The following MAP7D2 variants were observed in gnomAD, a reference collection of about 807,000 sequenced individuals.
MAP7D2 encodes the protein MAP7 domain containing 2.
In MAP7D2, 33 loss-of-function variants were observed where a neutral mutation model predicts 63.5. That is an observed-to-expected ratio of 0.52 (90% CI 0.39 to 0.70). The LOEUF (loss-of-function observed/expected upper bound fraction) is 0.70. Among genes scored for constraint, MAP7D2 ranks in the 30% least tolerant of loss-of-function variants. The probability of loss-of-function intolerance (pLI) is 0.00; values close to 1 mark genes in which losing one functional copy is unlikely to be tolerated. For synonymous variants in MAP7D2, 224 were observed against 223.7 expected, an observed-to-expected ratio of 1.00 and a Z score of -0.01; for missense variants, 626 against 604.0, an observed-to-expected ratio of 1.04 and a Z score of -0.38.
chrX:20,060,251 C>A (rs2065174416), intron 3 of MAP7D2, among the ~76,000 whole-genome samples: 1 of 109,939 alleles, frequency 9.1e-6, no homozygotes, highest in Non-Finnish European at 1.9e-5. Context: ...AACTCCTGAC[C>A]TCAGGTGATC....
intron 1 of MAP7D2, among the ~76,000 whole-genome samples, chrX:20,084,196 C>CAAAAAAAAAA: frequency 1.8e-5 from 1 of 56,343 alleles, no homozygotes; most frequent in Non-Finnish European, 3.8e-5. Context: ...GCAAGACTCA[C>CAAAAAAAAAA]AAAAAAAAAA....
intron 15 of MAP7D2, 83 bp from the exon 16 acceptor site, chrX:20,011,135 T>C (rs2073187315): frequency 9.9e-7 from 1 of 1,013,105 alleles, no homozygotes; most frequent in Non-Finnish European, 1.3e-6. Flanking sequence ...ATTTGCAATA[T>C]TTTGTTTTAC....
intron 8 of MAP7D2, among the ~76,000 whole-genome samples, chrX:20,035,272 C>T (rs1353098219): frequency 9.0e-6 from 1 of 111,175 alleles, no homozygotes; most frequent in Admixed American, 9.5e-5. Context: ...TGAGCAGAGT[C>T]CTGAGCAGAT....
chrX:20,073,684 C>G (rs1342480299), intron 1 of MAP7D2, among the ~76,000 whole-genome samples: 1 of 107,194 alleles, frequency 9.3e-6, no homozygotes, highest in African/African-American at 3.4e-5. Flanking sequence ...TGCCCGCCAC[C>G]ACGCCTGGCT....
intron 3 of MAP7D2, among the ~76,000 whole-genome samples, chrX:20,061,520 A>C (rs746083893): frequency 1.8e-4 from 20 of 112,410 alleles, no homozygotes; most frequent in African/African-American, 6.4e-4. Context: ...GTGCCCAGGG[A>C]GAAGAGGGAA....
chrX:20,037,252 C>G (rs760010206), intron 8 of MAP7D2, among the ~76,000 whole-genome samples: 1 of 111,460 alleles, frequency 9.0e-6, no homozygotes, highest in Non-Finnish European at 1.9e-5. Context: ...TCTGACCTAT[C>G]TAGCCATAAA....
chrX:20,094,578 G>GTA (rs1158827180), intron 1 of MAP7D2, among the ~76,000 whole-genome samples: 6 of 30,807 alleles, frequency 1.9e-4, no homozygotes, highest in South Asian at 2.6e-3. Context: ...ACATATATAT[G>GTA]TATATATATA....
intron 8 of MAP7D2, among the ~76,000 whole-genome samples, chrX:20,026,619 G>C (rs1299297593): frequency 8.9e-6 from 1 of 112,213 alleles, no homozygotes; most frequent in African/African-American, 3.2e-5. Flanking sequence ...GTTTTTTGGA[G>C]GGTCTCAGGT....
chrX:20,035,024 C>G (rs1603363178), intron 8 of MAP7D2, among the ~76,000 whole-genome samples: 1 of 111,631 alleles, frequency 9.0e-6, no homozygotes, highest in East Asian at 2.8e-4. Context: ...TACTCCCTTC[C>G]ACCCCTCTGT....
chrX:20,053,707 A>G (rs2148331557), intron 4 of MAP7D2, among the ~76,000 whole-genome samples: 1 of 112,029 alleles, frequency 8.9e-6, no homozygotes, highest in Admixed American at 9.5e-5. Flanking sequence ...CAAAAGAAAA[A>G]TGTGTGCTCT....
intron 8 of MAP7D2, among the ~76,000 whole-genome samples, chrX:20,033,316 T>C (rs1186317444): frequency 1.8e-5 from 2 of 112,347 alleles, no homozygotes; most frequent in African/African-American, 6.5e-5. Context: ...AATATATTTC[T>C]AAGAATATAA....
rs1032541262 is a variant in MAP7D2, at chrX:20,007,986, T to C, written c.*439A>G. 8.9e-6 allele frequency: 1 copy of C among 112,027 alleles called. No homozygotes were observed. Among genetic ancestry groups the C allele is most frequent in the Non-Finnish European group, 1.9e-5 (1 of 53,222 alleles). The allele number at this position is 112,027 out of a possible 1,213,427, so 9.2% of individuals were successfully genotyped here. On this transcript the variant is annotated 3_prime_UTR_variant, in exon 17 of 17. Transcript: ENST00000379643. The stretch of plus-strand genomic sequence containing the variant: ...AAGACAGGGAGATATACAGTGCAAG[T>C]TGAGTATATGTTGAACTAGAGTTTG...
intron 4 of MAP7D2, among the ~76,000 whole-genome samples, chrX:20,056,157 T>C (rs1251265810): frequency 1.8e-5 from 2 of 111,950 alleles, no homozygotes; most frequent in Non-Finnish European, 3.8e-5. Flanking sequence ...ACAATCCATA[T>C]ATTAAATTAC....
chrX:20,052,557 T>C (rs943307249), intron 5 of MAP7D2: 3 of 259,438 alleles, frequency 1.2e-5, no homozygotes, highest in African/African-American at 8.3e-5. Flanking sequence ...GTTACTTTAA[T>C]GGTCACATCT....
chrX:20,024,929 G>A (rs1486169146), intron 10 of MAP7D2, 22 bp downstream of exon 10: 3 of 1,202,792 alleles, frequency 2.5e-6, no homozygotes, highest in Non-Finnish European at 3.4e-6. Flanking sequence ...AGATCACACC[G>A]AAATTCTGAG....
At chrX:20,060,430 GAGAGAAAGAAAGAAAGAAAGAA>G (rs2065185671) in intron 3 of MAP7D2, among the ~76,000 whole-genome samples, 1 of 58,870 alleles carries the variant, frequency 1.7e-5, no homozygotes, top group Non-Finnish European at 3.1e-5. Context: ...GAGAGAGAGA[GAGAGAAAGAAAGAAAGAAAGAA>G]AGAAAGAAAG....
chrX:20,083,978 A>C (rs1203876297), intron 1 of MAP7D2, among the ~76,000 whole-genome samples: 1 of 111,240 alleles, frequency 9.0e-6, no homozygotes, highest in Non-Finnish European at 1.9e-5. Context: ...AGACGAGTGG[A>C]TCACTTGAGG....
chrX:20,073,818 A>C (rs1337514630), intron 1 of MAP7D2, among the ~76,000 whole-genome samples: 1 of 96,809 alleles, frequency 1.0e-5, no homozygotes. Context: ...GAGCCACTGC[A>C]CCCGGCCCAT....
chrX:20,053,738 C>T (rs1456664570), intron 4 of MAP7D2, among the ~76,000 whole-genome samples: 5 of 111,991 alleles, frequency 4.5e-5, no homozygotes, highest in Non-Finnish European at 9.4e-5. Context: ...AAAGCAAACT[C>T]ATCAATAATA....
Sources: gnomAD v4.1 joint callset for allele counts (sites outside exome capture counted in the v4.1 genomes callset) on GRCh38, gnomAD v4.1.1 for gene constraint, MANE v1.5 for transcripts, NCBI Gene and HGNC (gene_info 2026-07-23, HGNC 2026-07-21) for gene names.